The following ARNT variants were observed in gnomAD, a reference collection of about 807,000 sequenced individuals.
The protein encoded by ARNT is aryl hydrocarbon receptor nuclear translocator, also known as class E basic helix-loop-helix protein 2.
A neutral mutation model predicts 105.0 loss-of-function variants in ARNT; 30 were observed. The ratio of observed to expected loss-of-function variants is 0.29; its 90% confidence interval spans 0.21 to 0.39. The LOEUF is 0.39. Ranked by LOEUF, ARNT falls within the 10% of genes least tolerant of loss-of-function variation. The pLI is 1.00. For missense variants in ARNT, 748 were observed against 978.7 expected (o/e 0.76, Z 3.15); for synonymous variants, 304 against 344.0 (o/e 0.88, Z 1.29).
Position 150,832,538 on chromosome 1 carries a change from T to C in ARNT, c.804-139A>G, listed in dbSNP as rs1208810256. On this transcript the variant is annotated intron_variant, in intron 8 of 21. Coordinates refer to ENST00000358595, the MANE Select transcript of ARNT (RefSeq NM_001668.4). ...TGCTACTAATAATGAAGGATAAAGA[T>C]AGGTCAAGTTTAGTATTTCTAAAAC... 1.7e-5 allele frequency: 13 copies of C among 773,072 alleles called. No individual in the cohort carries two copies. In the East Asian group the frequency reaches 2.1e-4, roughly 12 times the overall value. The allele number at this position is 773,072 out of a possible 1,614,324, so 47.9% of individuals were successfully genotyped here.
At chr1:150,861,314 A>G in intron 1 of ARNT, 1 of 411,302 alleles carries the variant, frequency 2.4e-6, no homozygotes, top group Non-Finnish European at 4.7e-6. Flanking sequence ...TGGGAAACAC[A>G]GCAAGACAAC....
chr1:150,816,186 G>A, intron 19 of ARNT, 73 bp downstream of exon 19: 1 of 1,517,248 alleles, frequency 6.6e-7, no homozygotes, highest in East Asian at 2.4e-5. Context: ...AGAAAACACT[G>A]ATTTTACATA....
intron 10 of ARNT, 169 bp from the exon 11 acceptor site, chr1:150,830,149 C>T (rs966934620): frequency 6.3e-6 from 4 of 630,954 alleles, no homozygotes; most frequent in Non-Finnish European, 1.1e-5. Context: ...ACTTGAGGAC[C>T]AGCCTGGCCG....
At chr1:150,845,229 G>A (rs1661982779) in intron 4 of ARNT, among the ~76,000 whole-genome samples, 1 of 152,138 alleles carries the variant, frequency 6.6e-6, no homozygotes, top group South Asian at 2.1e-4. Flanking sequence ...AGGCTGCAGT[G>A]AGCTATGATC....
At chr1:150,851,126 C>T (rs1379651939) in intron 3 of ARNT, among the ~76,000 whole-genome samples, 10 of 151,340 alleles carry the variant, frequency 6.6e-5, no homozygotes, top group East Asian at 2.0e-4. Context: ...CATCTCCGCC[C>T]GGCAGCCGCC....
At chr1:150,870,198 GAAT>G (rs1235713112) in intron 1 of ARNT, among the ~76,000 whole-genome samples, 3 of 152,002 alleles carry the variant, frequency 2.0e-5, no homozygotes, top group Admixed American at 6.6e-5. Context: ...TGTAAAACAA[GAAT>G]AATAATACTT....
intron 2 of ARNT, among the ~76,000 whole-genome samples, chr1:150,853,519 A>C (rs587609722): frequency 6.6e-6 from 1 of 152,340 alleles, no homozygotes; most frequent in African/African-American, 2.4e-5. Flanking sequence ...ACATCTTTCA[A>C]AGCAGTGATC....
At chr1:150,846,056 A>G (rs779836626) in intron 4 of ARNT, among the ~76,000 whole-genome samples, 1 of 152,238 alleles carries the variant, frequency 6.6e-6, no homozygotes, top group Non-Finnish European at 1.5e-5. Flanking sequence ...AAAACACTGT[A>G]TAAAATATAC....
In ARNT at chr1:150,816,401, C is replaced by T. The variant is rs754122594; in HGVS notation, c.1808G>A (p.Ser603Asn). The T allele has an allele frequency of 3.7e-6, 6 of 1,603,544 alleles. No individual in the cohort carries two copies. In the Admixed American group the frequency reaches 5.3e-5, roughly 14 times the overall value. Reference sequence around the variant, plus strand: ...AATGGTTACAGGAGGGGCTAGGCCACTATTCCTAGGAGTGAATAAATGAGG... The same window carrying T: ...AATGGTTACAGGAGGGGCTAGGCCATTATTCCTAGGAGTGAATAAATGAGG... The part of the protein sequence containing the change: ...TPRPAENFRN[S>N]GLAPPVTIVQ... The change falls in exon 19 of 22, where the codon AGT becomes AAT. Residue 603 changes from serine to asparagine, a missense_variant. Ser to Asn is a conservative substitution (Grantham distance 46). This residue lies in a region of ARNT where 360 missense variants were observed against 411.9 expected (regional missense o/e 0.87). Transcript: ENST00000358595.
intron 1 of ARNT, chr1:150,861,175 G>T (rs587597391): frequency 2.1e-5 from 5 of 239,160 alleles, no homozygotes; most frequent in Non-Finnish European, 2.6e-5. Flanking sequence ...GTAAAATGGC[G>T]TAACAGCAAT....
rs1369527997 is a variant in ARNT at position 150,827,547 on chromosome 1, CA to C, written c.1168-931del. ...GCTCAGTAGTATTCTCACATGGATACAACACAGTTGTGTATTCATTTACAAA... is the reference window on the plus strand; with the variant it reads ...GCTCAGTAGTATTCTCACATGGATACACACAGTTGTGTATTCATTTACAAA... On this transcript the variant is annotated intron_variant, in intron 12 of 21. Coordinates refer to ENST00000358595, the MANE Select transcript of ARNT (RefSeq NM_001668.4). Among the ~76,000 whole-genome samples the C allele has an allele frequency of 3.3e-5, 5 of 152,148 alleles. No homozygotes were observed. In the East Asian group the frequency reaches 9.6e-4, roughly 29 times the overall value.
In ARNT at chr1:150,816,248, A is replaced by G. The variant is rs587691222; in HGVS notation, c.1950+11T>C. 1.1e-5 allele frequency: 18 copies of G among 1,595,388 alleles called. No homozygotes were observed. The East Asian group carries it at 2.0e-4, about 18-fold the overall frequency. On this transcript the variant is annotated intron_variant, in intron 19 of 21. Transcript: ENST00000358595. ...ATAATACACAGGGAACACACAGATG[A>G]TAAGTTTTACCTGGGCAGAAAAGCC...
chr1:150,813,503 A>G (rs1392903028), intron 20 of ARNT, among the ~76,000 whole-genome samples, 165 bp from the exon 21 acceptor site: 2 of 152,138 alleles, frequency 1.3e-5, no homozygotes, highest in African/African-American at 4.8e-5. Flanking sequence ...TCAGCCCTAA[A>G]TTAATTCTTC....
Position 150,845,669 on chromosome 1 carries a change from C to T in ARNT, c.227+594G>A, listed in dbSNP as rs1284199042. On this transcript the variant is annotated intron_variant, in intron 4 of 21. Coordinates refer to ENST00000358595, the MANE Select transcript of ARNT (RefSeq NM_001668.4). ...CTATAATCCCAGCACTTTGGGAGGC[C>T]GAGGCGGGCGGATCACAAGGTCAGG... Among the ~76,000 whole-genome samples the T allele has an allele frequency of 2.6e-5, 4 of 151,308 alleles. No homozygotes were observed. The South Asian group carries it at 6.3e-4, about 24-fold the overall frequency.
intron 1 of ARNT, among the ~76,000 whole-genome samples, chr1:150,862,038 T>C (rs993445284): frequency 1.3e-5 from 2 of 152,204 alleles, no homozygotes; most frequent in Non-Finnish European, 2.9e-5. Context: ...TATCAAGCCA[T>C]AACCCCACCA....
chr1:150,829,296 A>G lies in ARNT; in HGVS notation c.1033-69T>C, dbSNP rs975696326. The G allele has an allele frequency of 2.1e-5, 32 of 1,507,656 alleles. No homozygotes were observed. In the Admixed American group the frequency reaches 4.6e-4, roughly 22 times the overall value. 93.4% of individuals were successfully genotyped at this position (1,507,656 alleles called of 1,614,324 possible). On this transcript the variant is annotated intron_variant, in intron 11 of 21. Transcript: ENST00000358595. ...TTACAGATGTATTTCCTATCTCCTC[A>G]TGGTCTTTTGCATAGACATAAGATT...
rs587667136 is a variant in ARNT, at chr1:150,852,809, G to A, written c.138-3C>T. On this transcript the variant is annotated splice_region_variant and splice_polypyrimidine_tract_variant and intron_variant, in intron 2 of 21. Coordinates refer to ENST00000358595, the MANE Select transcript of ARNT (RefSeq NM_001668.4). ...CTCCATCATCATCAAAATCCAGCCTGAGGAAAGCCAACAATAAATACTTTA... is the reference window on the plus strand; with the variant it reads ...CTCCATCATCATCAAAATCCAGCCTAAGGAAAGCCAACAATAAATACTTTA... 1 of 1,614,002 alleles carries A rather than the reference G, an allele frequency of 6.2e-7. No individual in the cohort carries two copies. Among genetic ancestry groups the A allele is most frequent in the South Asian group, 1.1e-5 (1 of 91,070 alleles).
At chr1:150,838,035 C>A (rs931486277) in intron 6 of ARNT, among the ~76,000 whole-genome samples, 1 of 152,158 alleles carries the variant, frequency 6.6e-6, no homozygotes, top group Non-Finnish European at 1.5e-5. Flanking sequence ...TAAGTAGTCG[C>A]CCTGCTTTCA....
chr1:150,816,621 G>A (rs587733924), intron 18 of ARNT, among the ~76,000 whole-genome samples, 167 bp downstream of exon 18: 11 of 152,308 alleles, frequency 7.2e-5, no homozygotes, highest in African/African-American at 2.6e-4. Context: ...TAGGACAGGT[G>A]CAAAGAAATA....
Sources: allele counts gnomAD v4.1 joint callset (sites outside exome capture counted in the v4.1 genomes callset), GRCh38; gene constraint gnomAD v4.1.1; regional missense constraint gnomAD v4.1.1; transcripts MANE v1.5; gene names NCBI Gene and HGNC (gene_info 2026-07-23, HGNC 2026-07-21).